Variants in KIF16B observed in about 807,000 individuals in gnomAD.
KIF16B encodes the protein kinesin family member 16B, also known as kinesin-like protein KIF16B.
Under a neutral mutation model 156.3 loss-of-function variants are expected in KIF16B, and 98 were observed. That is an observed-to-expected ratio of 0.63 (90% CI 0.53 to 0.74). The LOEUF (loss-of-function observed/expected upper bound fraction) is 0.74, where lower values mean the gene tolerates loss of function less well. Ranked by LOEUF, KIF16B falls within the 30% of genes least tolerant of loss-of-function variation. The probability of loss-of-function intolerance (pLI) is 0.00; values close to 1 mark genes in which losing one functional copy is unlikely to be tolerated. For missense variants in KIF16B, 1,421 were observed against 1,606.5 expected (o/e 0.88, Z 1.97); for synonymous variants, 564 against 583.7 (o/e 0.97, Z 0.49).
chr20:16,429,875 T>C lies in KIF16B; in HGVS notation c.1410A>G (p.Leu470=), dbSNP rs372531250. 64 of 1,609,902 alleles carry C rather than the reference T, an allele frequency of 4.0e-5. No homozygotes were observed. The African/African-American group carries it at 6.2e-4, about 15-fold the overall frequency. The change falls in exon 13 of 26, where the codon TTA becomes TTG. Residue 470 remains leucine (L), a synonymous_variant. Coordinates refer to ENST00000354981, the MANE Select transcript of KIF16B (RefSeq NM_024704.5). ...DDDLLSTGII[L]YHLKEGQTYV... ...AATCAGTTTCTACCTTTAAATGATA[T>C]AAGATGATTCCAGTACTCAAAAGGT...
chr20:16,512,603 T>C (rs776950582), intron 5 of KIF16B, among the ~76,000 whole-genome samples: 10 of 152,230 alleles, frequency 6.6e-5, no homozygotes, highest in Non-Finnish European at 1.2e-4. Flanking sequence ...CAAGCTGTTA[T>C]TTCTGCCAGC....
At chr20:16,544,474 G>A (rs969561422) in intron 1 of KIF16B, among the ~76,000 whole-genome samples, 5 of 151,986 alleles carry the variant, frequency 3.3e-5, no homozygotes, top group African/African-American at 1.2e-4. Context: ...GCCAGGTGTG[G>A]CAGGTGTCTA....
At chr20:16,312,768 T>C (rs34696851) in intron 24 of KIF16B, among the ~76,000 whole-genome samples, 50,933 of 136,922 alleles carry the variant, frequency 0.37, 8,791 homozygotes, top group East Asian at 0.44. Flanking sequence ...CTTTCAGTCC[T>C]CCCACCCTTT....
chr20:16,527,995 T>C (rs926378024), intron 2 of KIF16B, among the ~76,000 whole-genome samples: 1 of 152,134 alleles, frequency 6.6e-6, no homozygotes, highest in Non-Finnish European at 1.5e-5. Flanking sequence ...ATGATCCTCT[T>C]CATTAAAAAT....
chr20:16,526,067 TA>T, intron 3 of KIF16B, 24 bp downstream of exon 3: 1 of 1,296,894 alleles, frequency 7.7e-7, no homozygotes, highest in Non-Finnish European at 1.1e-6. Flanking sequence ...TAAATCAACA[TA>T]AATATTTTGA....
At chr20:16,324,228 A>G (rs764467) in intron 24 of KIF16B, among the ~76,000 whole-genome samples, 30,785 of 151,810 alleles carry the variant, frequency 0.2, 3,271 homozygotes, top group East Asian at 0.35. Flanking sequence ...TTTTACAGGG[A>G]GCAGGCTTTC....
intron 17 of KIF16B, among the ~76,000 whole-genome samples, chr20:16,387,343 G>A (rs1259913005): frequency 6.6e-6 from 1 of 152,166 alleles, no homozygotes; most frequent in Non-Finnish European, 1.5e-5. Flanking sequence ...GAGCTTAGAT[G>A]TCTAGGTATA....
In KIF16B at chr20:16,322,121, C is replaced by G. The variant is rs913297833; in HGVS notation, c.3712-9703G>C. 2.0e-5 allele frequency among the ~76,000 whole-genome samples: 3 copies of G among 151,908 alleles called. No homozygotes were observed. The East Asian group carries it at 5.8e-4, about 29-fold the overall frequency. On this transcript the variant is annotated intron_variant, in intron 24 of 25. Transcript: ENST00000354981. The stretch of plus-strand genomic sequence containing the variant: ...GGCCTAAGAAAAGCATAATGGCAAG[C>G]TTGTTTTGCAATTCGGTGAATAAAA...
intron 25 of KIF16B, among the ~76,000 whole-genome samples, chr20:16,279,165 T>C (rs963436947): frequency 3.9e-5 from 6 of 152,104 alleles, no homozygotes; most frequent in Non-Finnish European, 8.8e-5. Flanking sequence ...AAGAAACACC[T>C]TTCCCCTCTC....
rs2147010524 is a variant in KIF16B, at chr20:16,505,819, T to C, written c.903A>G (p.Ala301=). Residue 301 remains alanine (A), a synonymous_variant, in exon 9 of 26, where the codon GCA becomes GCG. Coordinates refer to ENST00000354981, the MANE Select transcript of KIF16B (RefSeq NM_024704.5). ...DLSQDAANTL[A]KKKQVFVPYR... ...AAGGCACGAAAACTTGCTTCTTCTT[T>C]GCAAGAGTATTTGCAGCATCCTGAG... The C allele has an allele frequency of 6.2e-7, 1 of 1,614,050 alleles. No individual in the cohort carries two copies. The highest frequency in any genetic ancestry group is 2.2e-5 in the East Asian group (1 of 44,850).
At chr20:16,408,029 T>A (rs2065830342) in intron 15 of KIF16B, among the ~76,000 whole-genome samples, 2 of 152,180 alleles carry the variant, frequency 1.3e-5, no homozygotes. Context: ...AGCCTCTTGC[T>A]TGGGTAATAT....
At chr20:16,330,177 G>C (rs894564735) in intron 24 of KIF16B, among the ~76,000 whole-genome samples, 1 of 152,074 alleles carries the variant, frequency 6.6e-6, no homozygotes, top group African/African-American at 2.4e-5. Context: ...TTTATTCACA[G>C]ACTTATCTTA....
chr20:16,274,663 A>G (rs969710236), intron 25 of KIF16B, among the ~76,000 whole-genome samples: 1 of 152,252 alleles, frequency 6.6e-6, no homozygotes, highest in Non-Finnish European at 1.5e-5. Flanking sequence ...AGCCTGGAGC[A>G]GTAGTTCCCA....
At chr20:16,521,850 G>A (rs1389653836) in intron 3 of KIF16B, among the ~76,000 whole-genome samples, 2 of 152,200 alleles carry the variant, frequency 1.3e-5, no homozygotes, top group African/African-American at 4.8e-5. Context: ...TGCCAGAAGA[G>A]ATTGGGGGCC....
intron 25 of KIF16B, among the ~76,000 whole-genome samples, chr20:16,296,948 C>T (rs749358454): frequency 6.6e-6 from 1 of 152,238 alleles, no homozygotes; most frequent in Non-Finnish European, 1.5e-5. Flanking sequence ...ACAGAACAAA[C>T]TCCAGAGAGT....
At chr20:16,499,824 C>A (rs190387746) in intron 10 of KIF16B, among the ~76,000 whole-genome samples, 54 of 152,284 alleles carry the variant, frequency 3.5e-4, no homozygotes, top group Non-Finnish European at 6.3e-4. Context: ...GAACGACCTT[C>A]CTAAATCCTT....
At chr20:16,540,430 T>C (rs764260063) in intron 1 of KIF16B, among the ~76,000 whole-genome samples, 4 of 152,224 alleles carry the variant, frequency 2.6e-5, no homozygotes, top group Non-Finnish European at 5.9e-5. Flanking sequence ...AAAAAGTCCC[T>C]GCTTTGAAAT....
intron 21 of KIF16B, 50 bp from the exon 22 acceptor site, chr20:16,370,686 G>T: frequency 7.4e-7 from 1 of 1,358,072 alleles, no homozygotes; most frequent in South Asian, 1.3e-5. Flanking sequence ...CAAGTTCACG[G>T]GGCGGGGGAC....
chr20:16,463,798 G>C (rs1386915543), intron 12 of KIF16B, among the ~76,000 whole-genome samples: 3 of 152,118 alleles, frequency 2.0e-5, no homozygotes, highest in Non-Finnish European at 4.4e-5. Flanking sequence ...CCAATTCTTG[G>C]CTCTCAACAA....
Sources: allele counts gnomAD v4.1 joint callset (sites outside exome capture counted in the v4.1 genomes callset), GRCh38; gene constraint gnomAD v4.1.1; transcripts MANE v1.5; gene names NCBI Gene and HGNC (gene_info 2026-07-23, HGNC 2026-07-21).